TRIO: variants seen among roughly 807,000 people sequenced by gnomAD.
The protein encoded by TRIO is triple functional domain protein.
Under a neutral mutation model 351.9 loss-of-function variants are expected in TRIO, and 58 were observed. That is an observed-to-expected ratio of 0.16 (90% confidence interval 0.13 to 0.21). The LOEUF is 0.21. TRIO is among the 10% of genes least tolerant of loss of function. The pLI is 1.00. For missense variants in TRIO, 3,201 were observed against 4,027.8 expected, an observed-to-expected ratio of 0.79 and a Z score of 5.56; for synonymous variants, 1,758 against 1,595.7, an observed-to-expected ratio of 1.10 and a Z score of -2.42.
At chr5:14,262,546 C>T (rs1795412663) in intron 1 of TRIO, among the ~76,000 whole-genome samples, 1 of 152,038 alleles carries the variant, frequency 6.6e-6, no homozygotes, top group African/African-American at 2.4e-5. Flanking sequence ...GTTTGAGAAA[C>T]ATGCTAGGGA....
At chr5:14,369,120 A>G (rs61362071) in intron 17 of TRIO, among the ~76,000 whole-genome samples, 1 of 152,202 alleles carries the variant, frequency 6.6e-6, no homozygotes, top group African/African-American at 2.4e-5. Flanking sequence ...TCTTCTTGTC[A>G]TTTAAACATA....
rs57424190 is a variant in TRIO at position 14,291,788 on chromosome 5, TAAAAAAAAAAA to T, written c.1053+578_1053+588del. 2.2e-3 allele frequency among the ~76,000 whole-genome samples: 223 copies of T among 100,958 alleles called. 3 individuals are homozygous for T. The highest frequency in any genetic ancestry group is 4.4e-3 in the African/African-American group (100 of 22,542). The allele number at this position is 100,958 out of a possible 152,430, so 66.2% of individuals were successfully genotyped here. A position where few individuals can be genotyped will look rare whatever the true frequency, so the allele number is the denominator to read the frequency against. ...TGGGCGACAGAGTGAGACTCCGTCT[TAAAAAAAAAAA>T]AAAAAAAAAAAAAAAAAGTGAAAAT... On this transcript the variant is annotated intron_variant, in intron 5 of 56. Coordinates refer to ENST00000344204, the MANE Select transcript of TRIO (RefSeq NM_007118.4).
chr5:14,202,041 A>G (rs953800281), intron 1 of TRIO, among the ~76,000 whole-genome samples: 5 of 152,036 alleles, frequency 3.3e-5, no homozygotes, highest in African/African-American at 7.2e-5. Flanking sequence ...TGGGCGCAGC[A>G]CACCAACATG....
At chr5:14,488,292 C>T (rs1310739551) in intron 48 of TRIO, 32 bp downstream of exon 48, 3 of 1,522,778 alleles carry the variant, frequency 2.0e-6, no homozygotes, top group Non-Finnish European at 1.8e-6. Context: ...CGCCCTCCCG[C>T]CCCCCTGCCT....
intron 20 of TRIO, among the ~76,000 whole-genome samples, chr5:14,379,407 T>C (rs1745871148): frequency 6.6e-6 from 1 of 152,216 alleles, no homozygotes; most frequent in African/African-American, 2.4e-5. Flanking sequence ...ACGCAGCCCA[T>C]GCTCAGAACT....
chr5:14,345,480 A>G (rs373648135), intron 11 of TRIO, among the ~76,000 whole-genome samples: 3 of 152,062 alleles, frequency 2.0e-5, no homozygotes, highest in African/African-American at 7.3e-5. Context: ...AATGTAATGT[A>G]AAAGGTGAGG....
At chr5:14,359,648 C>A in intron 13 of TRIO, 117 bp downstream of exon 13, 1 of 1,214,862 alleles carries the variant, frequency 8.2e-7, no homozygotes, top group South Asian at 1.5e-5. Flanking sequence ...CACACCCCAA[C>A]CCTCTGCACC....
rs368641432 is a variant in TRIO at position 14,281,427 on chromosome 5, C to A, written c.347+991C>A. ...GAGATGGTGCTAAGCCGTTAGAACC[C>A]CCCCCCCCCGCCCCGTGATCCAATT... is the stretch of plus-strand genomic sequence containing the variant. On this transcript the variant is annotated intron_variant, in intron 3 of 56. Coordinates refer to ENST00000344204, the MANE Select transcript of TRIO (RefSeq NM_007118.4). 4.3e-4 allele frequency among the ~76,000 whole-genome samples: 18 copies of A among 41,910 alleles called. 1 individual carries two copies. The East Asian group carries it at 7.9e-3, about 18-fold the overall frequency. The allele number at this position is 41,910 out of a possible 152,430, so 27.5% of individuals were successfully genotyped here.
intron 36 of TRIO, among the ~76,000 whole-genome samples, chr5:14,464,206 A>G (rs1179079846): frequency 1.3e-5 from 2 of 152,182 alleles, no homozygotes; most frequent in Non-Finnish European, 2.9e-5. Flanking sequence ...ATTTTGTAAT[A>G]CGCTAAGCCA....
At chr5:14,501,010 G>T (rs960738383) in intron 53 of TRIO, among the ~76,000 whole-genome samples, 1 of 149,424 alleles carries the variant, frequency 6.7e-6, no homozygotes, top group Non-Finnish European at 1.5e-5. Flanking sequence ...TCACAGAGTC[G>T]CCATTTATGT....
chr5:14,247,675 T>A (rs898794860), intron 1 of TRIO, among the ~76,000 whole-genome samples: 1 of 152,218 alleles, frequency 6.6e-6, no homozygotes, highest in Non-Finnish European at 1.5e-5. Flanking sequence ...TGTTATAGTC[T>A]GTGCTAAGAA....
chr5:14,294,763 C>T (rs1438650200), intron 6 of TRIO, among the ~76,000 whole-genome samples: 2 of 152,114 alleles, frequency 1.3e-5, no homozygotes, highest in South Asian at 2.1e-4. Flanking sequence ...GTAATACCTG[C>T]CTTCCATGGT....
At chr5:14,318,760 CAAA>C (rs925764928) in intron 9 of TRIO, among the ~76,000 whole-genome samples, 4 of 152,212 alleles carry the variant, frequency 2.6e-5, no homozygotes, top group African/African-American at 9.6e-5. Context: ...AAAACTTCTA[CAAA>C]CCATGAAATG....
chr5:14,451,644 C>T (rs920904036), intron 34 of TRIO, among the ~76,000 whole-genome samples: 4 of 152,230 alleles, frequency 2.6e-5, no homozygotes, highest in African/African-American at 9.6e-5. Context: ...ACCGGGACTG[C>T]CCTCTTTTCA....
At chr5:14,231,988 A>G (rs1793463557) in intron 1 of TRIO, among the ~76,000 whole-genome samples, 1 of 152,212 alleles carries the variant, frequency 6.6e-6, no homozygotes, top group South Asian at 2.1e-4. Context: ...ACTGGAGAAC[A>G]TAAGGACTTA....
intron 34 of TRIO, among the ~76,000 whole-genome samples, chr5:14,453,059 T>C (rs1752958072): frequency 6.6e-6 from 1 of 152,080 alleles, no homozygotes; most frequent in Non-Finnish European, 1.5e-5. Flanking sequence ...TTTCTCTTCT[T>C]TCTTTACCTT....
chr5:14,458,459 A>G (rs1480904667), intron 34 of TRIO, among the ~76,000 whole-genome samples: 3 of 152,158 alleles, frequency 2.0e-5, no homozygotes, highest in African/African-American at 7.2e-5. Context: ...GGACCCTTCC[A>G]TGGTTCCTCC....
chr5:14,242,630 G>A (rs775867769), intron 1 of TRIO, among the ~76,000 whole-genome samples: 20 of 152,252 alleles, frequency 1.3e-4, no homozygotes, highest in Admixed American at 3.3e-4. Context: ...GCTGGAGTAC[G>A]GTGGCAGGAT....
chr5:14,405,037 G>GA (rs143805752), intron 31 of TRIO, among the ~76,000 whole-genome samples: 4,555 of 151,168 alleles, frequency 0.03, 242 homozygotes, highest in African/African-American at 0.11. Flanking sequence ...AAGCTGTTAG[G>GA]AAGGCCCAGA....
Sources: gnomAD v4.1 joint callset for allele counts (sites outside exome capture counted in the v4.1 genomes callset) on GRCh38, gnomAD v4.1.1 for gene constraint, MANE v1.5 for transcripts, NCBI Gene and HGNC (gene_info 2026-07-23, HGNC 2026-07-21) for gene names.